C11orf91: variants seen among roughly 807,000 people sequenced by gnomAD.
C11orf91 encodes the protein chromosome 11 open reading frame 91, also known as uncharacterized protein C11orf91.
A neutral mutation model predicts 14.3 loss-of-function variants in C11orf91; 10 were observed. The ratio of observed to expected loss-of-function variants is 0.70; its 90% confidence interval spans 0.43 to 1.18. C11orf91 has a LOEUF of 1.18. Among genes scored for constraint, C11orf91 ranks in the 50% most tolerant of loss-of-function variants. The pLI is 0.00. For missense variants in C11orf91, 236 were observed against 269.0 expected, an observed-to-expected ratio of 0.88 and a Z score of 0.86; for synonymous variants, 141 against 130.6, an observed-to-expected ratio of 1.08 and a Z score of -0.54.
At chr11:33,701,483 A>G (rs528355925), upstream of C11orf91, among the ~76,000 whole-genome samples, 13 of 152,340 alleles carry the variant, frequency 8.5e-5, no homozygotes, top group African/African-American at 2.9e-4. Flanking sequence ...CGAGCTAACC[A>G]CCAAAAGGAA....
At chr11:33,700,887 G>T, upstream of C11orf91, 1 of 767,820 alleles carries the variant, frequency 1.3e-6, no homozygotes, top group Non-Finnish European at 1.8e-6. Context: ...CCTAACAGGC[G>T]GGGTTCCAAA....
rs1428535096 is a variant in C11orf91, at chr11:33,700,741, C to G, written c.-1G>C. On this transcript the variant is annotated 5_prime_UTR_variant, in exon 1 of 2. Transcript: ENST00000379011. The stretch of plus-strand genomic sequence containing the variant: ...GGCTGCCGCGCCGCCCCTTTGGCAT[C>G]GTTTGAATGAGGGTCTGCGTGGGAG... 1.7e-5 allele frequency: 23 copies of G among 1,356,806 alleles called. No homozygotes were observed. Among genetic ancestry groups the G allele is most frequent in the Non-Finnish European group, 2.2e-5 (23 of 1,052,120 alleles). 84.0% of individuals were successfully genotyped at this position (1,356,806 alleles called of 1,614,324 possible). A position where few individuals can be genotyped will look rare whatever the true frequency, so the allele number is the denominator to read the frequency against.
At chr11:33,702,292 AAAT>A (rs1453195656), upstream of C11orf91, among the ~76,000 whole-genome samples, 1 of 152,110 alleles carries the variant, frequency 6.6e-6, no homozygotes, top group East Asian at 1.9e-4. Context: ...TGTCTCTATA[AAAT>A]AATTTAAAAA....
chr11:33,700,547 A>AG lies in C11orf91; in HGVS notation c.193dup (p.Leu65ProfsTer53). 1 of 1,426,412 alleles carries AG rather than the reference A, an allele frequency of 7.0e-7. No homozygotes were observed. The highest frequency in any genetic ancestry group is 9.1e-7 in the Non-Finnish European group (1 of 1,093,528). 88.4% of individuals were successfully genotyped at this position (1,426,412 alleles called of 1,614,324 possible). A position where few individuals can be genotyped will look rare whatever the true frequency, so the allele number is the denominator to read the frequency against. ...CGCCGGGGCGGGGAGCGCCTGGGAC[A>AG]GGGACCGGGCCCCCGCCGCCCCGCC... On this transcript the variant is annotated frameshift_variant, in exon 1 of 2. Transcript: ENST00000379011. LOFTEE classifies it high-confidence loss of function.
In C11orf91 at chr11:33,700,642, C is replaced by T; in HGVS notation, c.99G>A (p.Ser33=). 1.4e-6 allele frequency: 2 copies of T among 1,472,540 alleles called. No individual in the cohort carries two copies. The highest frequency in any genetic ancestry group is 3.0e-5 in the East Asian group (1 of 33,754). 91.2% of individuals were successfully genotyped at this position (1,472,540 alleles called of 1,614,324 possible). A position where few individuals can be genotyped will look rare whatever the true frequency, so the allele number is the denominator to read the frequency against. The change falls in exon 1 of 2, where the codon TCG becomes TCA. Residue 33 remains serine (S), a synonymous_variant. Transcript: ENST00000379011. ...FPSLYDRGIS[S]SPLSDFNIWK... ...AGATGTTGAAGTCGCTGAGCGGGGA[C>T]GAGGAGATGCCGCGGTCGTACAGGG...
chr11:33,705,490 T>G (rs1009742880), upstream of C11orf91: 3 of 152,234 alleles, frequency 2.0e-5, no homozygotes, highest in Non-Finnish European at 4.4e-5. Flanking sequence ...CTTCCACTCT[T>G]CCTGCTCTTG....
chr11:33,702,109 T>C (rs1327204352), upstream of C11orf91, among the ~76,000 whole-genome samples: 2 of 152,188 alleles, frequency 1.3e-5, no homozygotes, highest in African/African-American at 2.4e-5. Context: ...TTCATACAAG[T>C]GATCACTAGG....
chr11:33,700,061 T>C (rs940898090), intron 1 of C11orf91, among the ~76,000 whole-genome samples, 184 bp downstream of exon 1: 20 of 151,674 alleles, frequency 1.3e-4, no homozygotes, highest in Non-Finnish European at 8.8e-5. Context: ...TTCAGATCTG[T>C]GGTGGGGGGA....
intron 1 of C11orf91, among the ~76,000 whole-genome samples, chr11:33,698,929 T>G (rs1853075175): frequency 6.6e-6 from 1 of 151,858 alleles, no homozygotes; most frequent in Non-Finnish European, 1.5e-5. Flanking sequence ...TACAAATGTG[T>G]GCCACCAAGC....
upstream of C11orf91, among the ~76,000 whole-genome samples, chr11:33,701,519 T>G (rs947233423): frequency 6.6e-6 from 1 of 152,210 alleles, no homozygotes; most frequent in Admixed American, 6.5e-5. Flanking sequence ...CCTCAAATAC[T>G]TCACCCATTG....
chr11:33,702,430 G>C (rs1346131996), upstream of C11orf91, among the ~76,000 whole-genome samples: 1 of 152,104 alleles, frequency 6.6e-6, no homozygotes, highest in Non-Finnish European at 1.5e-5. Context: ...ACTCCAGCCT[G>C]GGTGACAAGG....
upstream of C11orf91, chr11:33,704,354 T>A (rs1025068586): frequency 6.6e-6 from 1 of 152,180 alleles, no homozygotes; most frequent in African/African-American, 2.4e-5. Context: ...TAGGTGGTCA[T>A]TGGAGTGTGG....
At chr11:33,706,392 T>C in the C11orf91 span, 1 of 152,088 alleles carries the variant, frequency 6.6e-6, no homozygotes, top group Non-Finnish European at 1.5e-5. Context: ...GGTAAATGCA[T>C]TGTGATTCAC....
upstream of C11orf91, among the ~76,000 whole-genome samples, chr11:33,701,630 T>C (rs2133499298): frequency 6.6e-6 from 1 of 152,334 alleles, no homozygotes; most frequent in East Asian, 1.9e-4. Flanking sequence ...TAATACATTT[T>C]CTTGAGAGCC....
intron 1 of C11orf91, 22 bp downstream of exon 1, chr11:33,700,223 T>C: frequency 6.6e-7 from 1 of 1,524,460 alleles, no homozygotes; most frequent in Admixed American, 2.0e-5. Context: ...CTGGGCTCGG[T>C]GGCCCTGGCG....
chr11:33,699,629 G>C (rs4755893), intron 1 of C11orf91: 153,124 of 455,870 alleles, frequency 0.34, 27,799 homozygotes, highest in African/African-American at 0.5. Context: ...GACTTCAGAC[G>C]TAAGACCAGA....
At position 33,699,401 on chromosome 11, in the gene C11orf91, G is replaced by C. The variant is rs145171519; in HGVS notation, c.496+844C>G. On this transcript the variant is annotated intron_variant, in intron 1 of 1. Transcript: ENST00000379011. Reference sequence around the variant, plus strand: ...TGGAATGATCTTTTTAGAACTATCTGCCCTTCTCCAGTGGTCAAGGACAAG... The same window carrying C: ...TGGAATGATCTTTTTAGAACTATCTCCCCTTCTCCAGTGGTCAAGGACAAG... 1.8e-3 allele frequency: 662 copies of C among 372,698 alleles called. 6 individuals are homozygous for C. Among genetic ancestry groups the C allele is most frequent in the African/African-American group, 0.013 (619 of 47,446 alleles). The allele number at this position is 372,698 out of a possible 1,614,324, so 23.1% of individuals were successfully genotyped here. A position where few individuals can be genotyped will look rare whatever the true frequency, so the allele number is the denominator to read the frequency against.
rs1853104793 is a variant in C11orf91, at chr11:33,700,494, C to G, written c.247G>C (p.Gly83Arg). 1 of 1,369,746 alleles carries G rather than the reference C, an allele frequency of 7.3e-7. No individual in the cohort carries two copies. Among genetic ancestry groups the G allele is most frequent in the African/African-American group, 1.5e-5 (1 of 65,186 alleles). The allele number at this position is 1,369,746 out of a possible 1,614,324, so 84.8% of individuals were successfully genotyped here. The change falls in exon 1 of 2, where the codon GGT becomes CGT. Residue 83 changes from glycine (G) to arginine (R), a missense_variant. Physicochemically the swap from Gly to Arg is moderately radical, Grantham distance 125 (BLOSUM62 -2). Coordinates refer to ENST00000379011, the MANE Select transcript of C11orf91 (RefSeq NM_001166692.2). The part of the protein sequence containing the change: ...APPPPPPPGL[G>R]PSSERPWPSP... ...GGCCAGGGGCGCTCGCTGGAGGGACCCAGGCCGGGTGGTGGCGGGGGCGGG... is the reference window on the plus strand; with the variant it reads ...GGCCAGGGGCGCTCGCTGGAGGGACGCAGGCCGGGTGGTGGCGGGGGCGGG...
At chr11:33,701,462 C>G (rs1343395034), upstream of C11orf91, among the ~76,000 whole-genome samples, 1 of 152,210 alleles carries the variant, frequency 6.6e-6, no homozygotes, top group Admixed American at 6.5e-5. Context: ...TCACCAGGAG[C>G]TAACAGGCAA....
Sources: allele counts gnomAD v4.1 joint callset (sites outside exome capture counted in the v4.1 genomes callset), GRCh38; gene constraint gnomAD v4.1.1; transcripts MANE v1.5; gene names NCBI Gene and HGNC (gene_info 2026-07-23, HGNC 2026-07-21).